Variants in FANK1 observed in about 807,000 individuals in gnomAD.
FANK1 encodes fibronectin type III and ankyrin repeat domains 1.
A neutral mutation model predicts 45.3 loss-of-function variants in FANK1; 44 were observed. The ratio of observed to expected loss-of-function variants is 0.97; its 90% CI spans 0.76 to 1.25. The LOEUF is 1.25. Among genes scored for constraint, FANK1 ranks in the 50% most tolerant of loss-of-function variants. The pLI is 0.00. For missense variants in FANK1, 391 were observed against 424.4 expected, an observed-to-expected ratio of 0.92 and a Z score of 0.69; for synonymous variants, 149 against 152.5, an observed-to-expected ratio of 0.98 and a Z score of 0.17.
intron 6 of FANK1, among the ~76,000 whole-genome samples, chr10:126,003,066 C>T (rs1952896960): frequency 1.3e-5 from 2 of 151,268 alleles, no homozygotes; most frequent in African/African-American, 2.4e-5. Flanking sequence ...TGGCCATTCT[C>T]TCTCTTTATA....
At chr10:125,902,092 G>C (rs61871956) in intron 1 of FANK1, among the ~76,000 whole-genome samples, 71,048 of 151,988 alleles carry the variant, frequency 0.47, 17,121 homozygotes, top group African/African-American at 0.56. Flanking sequence ...GTACTCCATC[G>C]TGGGAGACAA....
At chr10:125,946,364 A>T (rs1339887272) in intron 1 of FANK1, among the ~76,000 whole-genome samples, 2 of 148,886 alleles carry the variant, frequency 1.3e-5, no homozygotes, top group Non-Finnish European at 1.5e-5. Context: ...CTTTGAAAAA[A>T]ATTTAGAAGA....
chr10:125,911,265 G>A (rs1018771591), intron 1 of FANK1, among the ~76,000 whole-genome samples: 2 of 152,078 alleles, frequency 1.3e-5, no homozygotes, highest in Non-Finnish European at 2.9e-5. Context: ...CACGATCATA[G>A]AGCCAAGGTG....
At chr10:125,901,656 C>T (rs1212939641) in intron 1 of FANK1, among the ~76,000 whole-genome samples, 2 of 152,192 alleles carry the variant, frequency 1.3e-5, no homozygotes, top group Admixed American at 6.5e-5. Flanking sequence ...GATGCTATTC[C>T]CTCCTGCTAT....
At chr10:126,000,699 G>T (rs1321143475) in intron 6 of FANK1, among the ~76,000 whole-genome samples, 1 of 152,120 alleles carries the variant, frequency 6.6e-6, no homozygotes, top group African/African-American at 2.4e-5. Context: ...TTAAGAAAAA[G>T]ATTGAGTGTA....
At chr10:125,908,260 G>A (rs1282677437) in intron 1 of FANK1, among the ~76,000 whole-genome samples, 1 of 151,994 alleles carries the variant, frequency 6.6e-6, no homozygotes, top group Non-Finnish European at 1.5e-5. Flanking sequence ...CCTCCCAAAG[G>A]GCTGGGATTA....
In FANK1 at chr10:126,002,889, C is replaced by T. The variant is rs537067763; in HGVS notation, c.540-1995C>T. Among the ~76,000 whole-genome samples, 3 of 149,166 alleles carry T rather than the reference C, an allele frequency of 2.0e-5. 1 individual carries two copies. Among genetic ancestry groups the T allele is most frequent in the South Asian group, 2.2e-4 (1 of 4,634 alleles). On this transcript the variant is annotated intron_variant, in intron 6 of 10. Transcript: ENST00000368693. ...CACAGTCATTAACCTGCATAGTAAT[C>T]GTGTCATATCACTTCTAAGACACTT...
chr10:125,958,864 T>C (rs1002771747), intron 1 of FANK1, among the ~76,000 whole-genome samples: 1 of 152,220 alleles, frequency 6.6e-6, no homozygotes, highest in Non-Finnish European at 1.5e-5. Context: ...AGACATCCCA[T>C]GCTCATGGAT....
At chr10:125,976,513 AT>A (rs1377343858) in intron 1 of FANK1, among the ~76,000 whole-genome samples, 2 of 150,938 alleles carry the variant, frequency 1.3e-5, no homozygotes, top group Non-Finnish European at 3.0e-5. Flanking sequence ...ATTTTTATTT[AT>A]TTTTTCATTT....
At chr10:125,977,220 T>G (rs1319299279) in intron 1 of FANK1, among the ~76,000 whole-genome samples, 5 of 152,144 alleles carry the variant, frequency 3.3e-5, no homozygotes, top group Non-Finnish European at 7.4e-5. Flanking sequence ...CTCATCTGAG[T>G]GTGGGTGTTC....
intron 1 of FANK1, among the ~76,000 whole-genome samples, chr10:125,915,120 G>A (rs1946346769): frequency 1.3e-5 from 2 of 152,120 alleles, no homozygotes; most frequent in African/African-American, 4.8e-5. Context: ...CCAGTGTTGT[G>A]CATTTCTGTC....
In FANK1 at chr10:125,901,859, G is replaced by A. The variant is rs139911482; in HGVS notation, c.13+5204G>A. On this transcript the variant is annotated intron_variant, in intron 1 of 10. Transcript: ENST00000368693. ...AATCTAGCTGGACGTGGTGGCTCAC[G>A]CCTGTAATCCCAGCATTTTGGGAGG... 4.7e-3 allele frequency among the ~76,000 whole-genome samples: 723 copies of A among 152,312 alleles called. 8 individuals carry two copies. Among genetic ancestry groups the A allele is most frequent in the African/African-American group, 0.016 (656 of 41,564 alleles).
intron 1 of FANK1, among the ~76,000 whole-genome samples, chr10:125,964,676 T>G (rs1036611076): frequency 1.3e-5 from 2 of 152,226 alleles, no homozygotes; most frequent in African/African-American, 4.8e-5. Flanking sequence ...GCCATTTCAG[T>G]AGTTTTCCAT....
At chr10:125,924,780 CT>C (rs1947220999) in intron 1 of FANK1, among the ~76,000 whole-genome samples, 1 of 133,720 alleles carries the variant, frequency 7.5e-6, no homozygotes, top group African/African-American at 2.9e-5. Flanking sequence ...GCACTCCAGC[CT>C]GGGTGACAGA....
At chr10:125,938,975 C>G (rs977398497) in intron 1 of FANK1, among the ~76,000 whole-genome samples, 3 of 152,222 alleles carry the variant, frequency 2.0e-5, no homozygotes, top group Non-Finnish European at 4.4e-5. Flanking sequence ...ACCAAGTCAT[C>G]AAGCTTAGAA....
intron 1 of FANK1, among the ~76,000 whole-genome samples, chr10:125,929,119 T>C (rs896651050): frequency 3.3e-5 from 5 of 152,128 alleles, no homozygotes; most frequent in African/African-American, 4.8e-5. Flanking sequence ...CCACGAAATA[T>C]GAGACTCACA....
At chr10:125,916,446 C>A (rs1946453831) in intron 1 of FANK1, among the ~76,000 whole-genome samples, 1 of 151,910 alleles carries the variant, frequency 6.6e-6, no homozygotes, top group Non-Finnish European at 1.5e-5. Context: ...TCAGGGACCC[C>A]ATCTGCCTTC....
At chr10:125,949,922 A>T (rs1046338973) in intron 1 of FANK1, among the ~76,000 whole-genome samples, 13 of 142,120 alleles carry the variant, frequency 9.1e-5, no homozygotes, top group Admixed American at 2.9e-4. Flanking sequence ...AGAGAGATAT[A>T]GATCAATGGA....
In FANK1 at chr10:125,991,250, G is replaced by GGGGTGTGTGTGTGTGT. The variant is rs138607074; in HGVS notation, c.316+2576_316+2577insGGTGTGTGTGTGTGTG. On this transcript the variant is annotated intron_variant, in intron 3 of 10. Transcript: ENST00000368693. Reference sequence around the variant, plus strand: ...GGATGAGTGTGTGGTGGTGACCAGGGGTGTGTGTGTGTGTGTGTGTGTGTG... The same window carrying GGGGTGTGTGTGTGTGT: ...GGATGAGTGTGTGGTGGTGACCAGGGGGGTGTGTGTGTGTGTGTGTGTGTGTGTGTGTGTGTGTGTG... 7.1e-3 allele frequency among the ~76,000 whole-genome samples: 1,033 copies of GGGGTGTGTGTGTGTGT among 145,998 alleles called. 7 individuals carry two copies. Among genetic ancestry groups the GGGGTGTGTGTGTGTGT allele is most frequent in the Non-Finnish European group, 0.012 (801 of 66,428 alleles).
Sources: allele counts gnomAD v4.1 joint callset (sites outside exome capture counted in the v4.1 genomes callset), GRCh38; gene constraint gnomAD v4.1.1; transcripts MANE v1.5; gene names NCBI Gene and HGNC (gene_info 2026-07-23, HGNC 2026-07-21).